CAB39: variants seen among roughly 807,000 people sequenced by gnomAD.
The protein encoded by CAB39 is calcium binding protein 39, also known as calcium-binding protein 39.
In CAB39, 8 loss-of-function variants were observed where a neutral mutation model predicts 40.0. That is an observed-to-expected ratio of 0.20 (90% CI 0.12 to 0.36). The LOEUF (loss-of-function observed/expected upper bound fraction) is 0.36. CAB39 is among the 10% of genes least tolerant of loss of function. The pLI is 1.00. For synonymous variants in CAB39, 156 were observed against 141.6 expected (o/e 1.10, Z -0.72); for missense variants, 270 against 401.1 (o/e 0.67, Z 2.79).
intron 1 of CAB39, among the ~76,000 whole-genome samples, chr2:230,753,590 A>G (rs191836615): frequency 6.6e-6 from 1 of 151,964 alleles, no homozygotes; most frequent in African/African-American, 2.4e-5. Context: ...CCGTCTCTAC[A>G]ACAAAAATTA....
At chr2:230,770,504 T>C (rs551142476) in intron 2 of CAB39, among the ~76,000 whole-genome samples, 10 of 152,350 alleles carry the variant, frequency 6.6e-5, no homozygotes, top group African/African-American at 2.4e-4. Context: ...GTTAGAGATT[T>C]CTACCAAATG....
At chr2:230,750,223 C>CT (rs1294177821) in intron 1 of CAB39, among the ~76,000 whole-genome samples, 2 of 152,186 alleles carry the variant, frequency 1.3e-5, no homozygotes, top group Admixed American at 6.5e-5. Flanking sequence ...GAGGAGATAT[C>CT]TTTAAGAGGT....
At chr2:230,781,548 G>A (rs1478047467) in intron 2 of CAB39, among the ~76,000 whole-genome samples, 1 of 152,234 alleles carries the variant, frequency 6.6e-6, no homozygotes, top group African/African-American at 2.4e-5. Flanking sequence ...CGCATGAGTG[G>A]CACTGAAATG....
intron 1 of CAB39, among the ~76,000 whole-genome samples, chr2:230,727,857 A>G (rs1277621708): frequency 6.6e-6 from 1 of 152,190 alleles, no homozygotes; most frequent in East Asian, 1.9e-4. Flanking sequence ...CCATATATAA[A>G]TTATATGTTC....
chr2:230,771,458 G>A (rs1346151701), intron 2 of CAB39, among the ~76,000 whole-genome samples: 2 of 152,152 alleles, frequency 1.3e-5, no homozygotes, highest in Non-Finnish European at 2.9e-5. Context: ...ACTGAAACCT[G>A]CAAGATACTG....
intron 6 of CAB39, among the ~76,000 whole-genome samples, chr2:230,810,600 A>T (rs1451847750): frequency 6.6e-6 from 1 of 152,228 alleles, no homozygotes; most frequent in Non-Finnish European, 1.5e-5. Flanking sequence ...TAGTAGGAAA[A>T]TTATCTGACT....
At chr2:230,729,635 C>T (rs1694651336) in intron 1 of CAB39, among the ~76,000 whole-genome samples, 1 of 151,904 alleles carries the variant, frequency 6.6e-6, no homozygotes, top group Admixed American at 6.6e-5. Flanking sequence ...TGCCTGTAAT[C>T]CCAGCTACTC....
At position 230,817,699 on chromosome 2, in the gene CAB39, CT is replaced by C; in HGVS notation, c.694-52del. On this transcript the variant is annotated intron_variant, in intron 7 of 8. Coordinates refer to ENST00000258418, the MANE Select transcript of CAB39 (RefSeq NM_016289.4). ...TTATAAAATAAATTGTTTTTTTAAA[CT>C]TTGATTTTTCTTTAAGTTTTAATAA... is the stretch of plus-strand genomic sequence containing the variant. The C allele has an allele frequency of 3.6e-6, 5 of 1,405,562 alleles. No individual in the cohort carries two copies. The South Asian group carries it at 6.6e-5, about 19-fold the overall frequency. The allele number at this position is 1,405,562 out of a possible 1,614,324, so 87.1% of individuals were successfully genotyped here.
At chr2:230,744,303 C>CT (rs1194454903) in intron 1 of CAB39, among the ~76,000 whole-genome samples, 1 of 151,262 alleles carries the variant, frequency 6.6e-6, no homozygotes, top group African/African-American at 2.4e-5. Context: ...CATATTTTTT[C>CT]TTTTTTTGGA....
At chr2:230,747,035 C>G (rs1474706175) in intron 1 of CAB39, among the ~76,000 whole-genome samples, 1 of 152,084 alleles carries the variant, frequency 6.6e-6, no homozygotes, top group East Asian at 1.9e-4. Flanking sequence ...CTGTGGAGAT[C>G]TTTATGGAGC....
intron 1 of CAB39, among the ~76,000 whole-genome samples, chr2:230,721,709 G>A (rs769639794): frequency 6.6e-6 from 1 of 152,188 alleles, no homozygotes; most frequent in South Asian, 2.1e-4. Flanking sequence ...AAAACACTGG[G>A]TTAAACATAG....
intron 2 of CAB39, among the ~76,000 whole-genome samples, chr2:230,770,256 A>G (rs74792160): frequency 0.019 from 2,958 of 152,334 alleles, 93 homozygotes; most frequent in African/African-American, 0.066. Context: ...GGAAGAAAAC[A>G]CAAATTCCCA....
chr2:230,722,804 A>G (rs925768002), intron 1 of CAB39, among the ~76,000 whole-genome samples: 1 of 152,218 alleles, frequency 6.6e-6, no homozygotes, highest in Non-Finnish European at 1.5e-5. Flanking sequence ...GCAACCTCCA[A>G]GTAAAGCTAG....
Position 230,818,836 on chromosome 2 carries a change from C to G in CAB39, c.*132C>G. 2.7e-6 allele frequency: 2 copies of G among 745,222 alleles called. No homozygotes were observed. The highest frequency in any genetic ancestry group is 4.3e-6 in the Non-Finnish European group (2 of 464,864). The allele number at this position is 745,222 out of a possible 1,614,324, so 46.2% of individuals were successfully genotyped here. On this transcript the variant is annotated 3_prime_UTR_variant, in exon 9 of 9. Coordinates refer to ENST00000258418, the MANE Select transcript of CAB39 (RefSeq NM_016289.4). ...TAAGTGAACGGTTTTTCATTTTACCCTTTTGTTTTTCAGTCCAGGTTGGAG... is the reference window on the plus strand; with the variant it reads ...TAAGTGAACGGTTTTTCATTTTACCGTTTTGTTTTTCAGTCCAGGTTGGAG...
chr2:230,788,992 C>A (rs960734872), intron 2 of CAB39, among the ~76,000 whole-genome samples: 2 of 152,166 alleles, frequency 1.3e-5, no homozygotes, highest in Non-Finnish European at 2.9e-5. Context: ...GTCTGCCCTT[C>A]CACCTCTTTT....
chr2:230,764,950 T>C (rs111832064), intron 2 of CAB39, among the ~76,000 whole-genome samples: 2,956 of 152,292 alleles, frequency 0.019, 86 homozygotes, highest in African/African-American at 0.061. Flanking sequence ...TTAATAAAAT[T>C]AAATTTTTAC....
rs1694270759 is a variant in CAB39 at position 230,712,893 on chromosome 2, G to GGGGAGCGGCGCGGCCT, written c.-375_-360dup. 6.6e-6 allele frequency: 1 copy of GGGGAGCGGCGCGGCCT among 151,970 alleles called. No homozygotes were observed. 9.4% of individuals were successfully genotyped at this position (151,970 alleles called of 1,614,324 possible). On this transcript the variant is annotated 5_prime_UTR_variant, in exon 1 of 9. Coordinates refer to ENST00000258418, the MANE Select transcript of CAB39 (RefSeq NM_016289.4). ...GGGCCGCAAGCGGGGCGAGGGGTTC[G>GGGGAGCGGCGCGGCCT]GGGAGCGGCGCGGCCTGGGAGACAC...
intron 1 of CAB39, among the ~76,000 whole-genome samples, chr2:230,718,265 G>C (rs1694387563): frequency 6.6e-6 from 1 of 152,140 alleles, no homozygotes; most frequent in Non-Finnish European, 1.5e-5. Context: ...TCTTAATTAA[G>C]TTCCTACTTT....
chr2:230,765,447 G>T (rs181606140), intron 2 of CAB39, among the ~76,000 whole-genome samples: 1 of 152,134 alleles, frequency 6.6e-6, no homozygotes, highest in African/African-American at 2.4e-5. Context: ...AGGGTCTTGA[G>T]GACCTCAAGG....
Sources: allele counts gnomAD v4.1 joint callset (sites outside exome capture counted in the v4.1 genomes callset), GRCh38; gene constraint gnomAD v4.1.1; transcripts MANE v1.5; gene names NCBI Gene and HGNC (gene_info 2026-07-23, HGNC 2026-07-21).